Variants in CTTNBP2 observed in about 807,000 individuals in gnomAD.
The protein encoded by CTTNBP2 is cortactin-binding protein 2.
In CTTNBP2, 108 loss-of-function variants were observed where a neutral mutation model predicts 156.9. That is an observed-to-expected ratio of 0.69 (90% CI 0.59 to 0.81). The LOEUF (loss-of-function observed/expected upper bound fraction) is 0.81. Among genes scored for constraint, CTTNBP2 ranks in the 30% least tolerant of loss-of-function variants. The probability of loss-of-function intolerance (pLI) is 0.00; values close to 1 mark genes in which losing one functional copy is unlikely to be tolerated. For synonymous variants in CTTNBP2, 767 were observed against 751.8 expected (o/e 1.02, Z -0.33); for missense variants, 1,924 against 2,035.4 (o/e 0.95, Z 1.05).
intron 2 of CTTNBP2, among the ~76,000 whole-genome samples, chr7:117,840,710 C>A (rs1802219453): frequency 6.6e-6 from 1 of 152,156 alleles, no homozygotes; most frequent in African/African-American, 2.4e-5. Flanking sequence ...CTCCTGCAGG[C>A]AATTATTTCC....
intron 7 of CTTNBP2, among the ~76,000 whole-genome samples, chr7:117,779,918 G>A (rs779124844): frequency 5.3e-5 from 8 of 152,004 alleles, no homozygotes; most frequent in South Asian, 2.1e-4. Context: ...GCACCACCAC[G>A]CTGGGTTAAT....
chr7:117,743,368 G>C (rs970867476), intron 14 of CTTNBP2, among the ~76,000 whole-genome samples: 1 of 152,114 alleles, frequency 6.6e-6, no homozygotes, highest in Non-Finnish European at 1.5e-5. Flanking sequence ...TTGGCACTAG[G>C]GCGTTTTTAA....
rs71529472 is a variant in CTTNBP2 at position 117,819,367 on chromosome 7, T to TCACACA, written c.190-8384_190-8379dup. On this transcript the variant is annotated intron_variant, in intron 2 of 22. Transcript: ENST00000160373. ...TTTCTCTTTTCTCCTTCTCTCTCTC[T>TCACACA]CACACACACACACACACACACACAC... is the stretch of plus-strand genomic sequence containing the variant. Among the ~76,000 whole-genome samples, 1,222 of 130,634 alleles carry TCACACA rather than the reference T, an allele frequency of 9.4e-3. 11 individuals are homozygous for TCACACA. Among genetic ancestry groups the TCACACA allele is most frequent in the Non-Finnish European group, 0.014 (853 of 59,306 alleles). The allele number at this position is 130,634 out of a possible 152,430, so 85.7% of individuals were successfully genotyped here.
In CTTNBP2 at chr7:117,767,152, G is replaced by A. The variant is rs770292782; in HGVS notation, c.2803C>T (p.His935Tyr). Residue 935 changes from histidine to tyrosine, a missense_variant, in exon 9 of 23, where the codon CAC becomes TAC. His to Tyr is a moderately conservative substitution (Grantham distance 83, BLOSUM62 2). Transcript: ENST00000160373. ...FKNCLEILCR[H>Y]GGLEPERRDK... ...CTCCTTTCTGGCTCAAGCCCTCCGT[G>A]CCTACACAAGATTTCTAGGCAGTTC... 39 of 1,608,346 alleles carry A rather than the reference G, an allele frequency of 2.4e-5. No individual in the cohort carries two copies. The East Asian group carries it at 7.4e-4, about 30-fold the overall frequency.
chr7:117,746,243 T>C (rs1562969086), intron 12 of CTTNBP2, 144 bp from the exon 13 acceptor site: 8 of 629,414 alleles, frequency 1.3e-5, no homozygotes, highest in South Asian at 5.8e-5. Flanking sequence ...AGCTTTATCA[T>C]TGGACACCTG....
At chr7:117,847,236 C>A (rs1022215998) in intron 2 of CTTNBP2, among the ~76,000 whole-genome samples, 1 of 151,910 alleles carries the variant, frequency 6.6e-6, no homozygotes, top group Non-Finnish European at 1.5e-5. Flanking sequence ...AGTTCAAAAG[C>A]AGAAATGCAG....
intron 14 of CTTNBP2, among the ~76,000 whole-genome samples, chr7:117,737,584 A>AT (rs1407126402): frequency 6.6e-6 from 1 of 151,926 alleles, no homozygotes; most frequent in Non-Finnish European, 1.5e-5. Flanking sequence ...CATTTTATTT[A>AT]TTTTTTGGAG....
intron 2 of CTTNBP2, among the ~76,000 whole-genome samples, chr7:117,857,856 G>T (rs1391660352): frequency 1.3e-5 from 2 of 152,062 alleles, no homozygotes; most frequent in African/African-American, 4.8e-5. Flanking sequence ...TCTTTCTGGG[G>T]CATTAGTCAC....
chr7:117,820,381 G>A (rs907060484), intron 2 of CTTNBP2, among the ~76,000 whole-genome samples: 2 of 152,126 alleles, frequency 1.3e-5, no homozygotes, highest in Admixed American at 6.5e-5. Flanking sequence ...CAGAGAATAC[G>A]TTTTTAATTT....
intron 3 of CTTNBP2, among the ~76,000 whole-genome samples, chr7:117,799,897 T>C (rs974464968): frequency 6.6e-6 from 1 of 152,116 alleles, no homozygotes; most frequent in Non-Finnish European, 1.5e-5. Flanking sequence ...AAACAAATAA[T>C]GCTATTTACA....
At chr7:117,727,429 A>G (rs1314897677) in intron 17 of CTTNBP2, among the ~76,000 whole-genome samples, 1 of 152,072 alleles carries the variant, frequency 6.6e-6, no homozygotes, top group Non-Finnish European at 1.5e-5. Flanking sequence ...TCCTGGCCTC[A>G]AGTGATCCTC....
chr7:117,841,768 C>A (rs558535091), intron 2 of CTTNBP2, among the ~76,000 whole-genome samples: 1 of 152,272 alleles, frequency 6.6e-6, no homozygotes, highest in South Asian at 2.1e-4. Flanking sequence ...TAACTGGTGT[C>A]ATCAGATAAA....
chr7:117,862,056 T>C (rs976791223), intron 1 of CTTNBP2, among the ~76,000 whole-genome samples: 3 of 149,120 alleles, frequency 2.0e-5, no homozygotes, highest in Non-Finnish European at 4.5e-5. Flanking sequence ...CACCAGCACA[T>C]ACACACACAC....
chr7:117,840,528 TAAC>T (rs1361680190), intron 2 of CTTNBP2, among the ~76,000 whole-genome samples: 3 of 152,196 alleles, frequency 2.0e-5, no homozygotes, highest in East Asian at 1.9e-4. Flanking sequence ...GACACTGTCT[TAAC>T]AACAACAACA....
chr7:117,852,620 T>C (rs1428031948), intron 2 of CTTNBP2, among the ~76,000 whole-genome samples: 1 of 152,202 alleles, frequency 6.6e-6, no homozygotes, highest in Non-Finnish European at 1.5e-5. Flanking sequence ...TCTACCTTAT[T>C]ATACTTGCCA....
rs200569785 is a variant in CTTNBP2 at position 117,780,521 on chromosome 7, A to G, written c.2443T>C (p.Tyr815His). 1.1e-5 allele frequency: 18 copies of G among 1,599,544 alleles called. No individual in the cohort carries two copies. Among genetic ancestry groups the G allele is most frequent in the Admixed American group, 1.7e-5 (1 of 58,408 alleles). Reference protein sequence around the residue: ...HAADGGQTPLYLACKNGNKEC... With the variant: ...HAADGGQTPLHLACKNGNKEC... ...TTATTTCCATTTTTACAGGCCAGGT[A>G]TAGAGGTGTCTGTCCTCCATCAGCA... Residue 815 changes from tyrosine to histidine, a missense_variant, in exon 7 of 23, where the codon TAC becomes CAC. Coordinates refer to ENST00000160373, the MANE Select transcript of CTTNBP2 (RefSeq NM_033427.3).
Position 117,777,744 on chromosome 7 carries a change from C to T in CTTNBP2, c.2545G>A (p.Ala849Thr), listed in dbSNP as rs752053808. The part of the protein sequence containing the change: ...KTTDGWTPVH[A>T]AVDTGNVDSL... ...TCCACATTACCAGTGTCCACAGCTG[C>T]GTGAACTGGTGTCCAGCCATCCTGA... The change falls in exon 8 of 23, where the codon GCA becomes ACA. Residue 849 changes from alanine to threonine, a missense_variant. By Grantham distance (58) the Ala-to-Thr change is moderately conservative. Transcript: ENST00000160373. 20 of 1,609,088 alleles carry T rather than the reference C, an allele frequency of 1.2e-5. No homozygotes were observed. The East Asian group carries it at 2.0e-4, about 16-fold the overall frequency.
rs1450041981 is a variant in CTTNBP2, at chr7:117,711,671, CTT to C, written c.4856_4857del (p.Lys1619SerfsTer16). 2 of 1,613,890 alleles carry C rather than the reference CTT, an allele frequency of 1.2e-6. No homozygotes were observed. The highest frequency in any genetic ancestry group is 1.7e-6 in the Non-Finnish European group (2 of 1,179,952). ...VKSFLPVPRS[K>X]VTQCSQNTKR... ...TTGGTGTTCTGGGAACACTGGGTGA[CTT>C]TACTTCTAGGAACAGGAAGAAAAGA... On this transcript the variant is annotated frameshift_variant, in exon 23 of 23. Coordinates refer to ENST00000160373, the MANE Select transcript of CTTNBP2 (RefSeq NM_033427.3). LOFTEE classifies it high-confidence loss of function.
chr7:117,854,416 A>G (rs1238209997), intron 2 of CTTNBP2, among the ~76,000 whole-genome samples: 1 of 152,226 alleles, frequency 6.6e-6, no homozygotes, highest in East Asian at 1.9e-4. Flanking sequence ...TGAGGAAAAC[A>G]TTCACAATAC....
Sources: allele counts gnomAD v4.1 joint callset (sites outside exome capture counted in the v4.1 genomes callset), GRCh38; gene constraint gnomAD v4.1.1; transcripts MANE v1.5; gene names NCBI Gene and HGNC (gene_info 2026-07-23, HGNC 2026-07-21).